The following LRCH3 variants were observed in gnomAD, a reference collection of about 807,000 sequenced individuals.
LRCH3 encodes the protein DISP complex protein LRCH3.
LRCH3 carries 68 observed loss-of-function variants against 104.5 expected under a neutral mutation model. That is an observed-to-expected ratio of 0.65 (90% CI 0.54 to 0.80). The LOEUF (loss-of-function observed/expected upper bound fraction) is 0.80. Ranked by LOEUF, LRCH3 falls within the 30% of genes least tolerant of loss-of-function variation. The pLI is 0.00. For missense variants in LRCH3, 951 were observed against 953.9 expected (o/e 1.00, Z 0.04); for synonymous variants, 344 against 361.3 (o/e 0.95, Z 0.54).
intron 20 of LRCH3, chr3:197,882,439 T>C: frequency 3.1e-6 from 3 of 957,478 alleles, no homozygotes; most frequent in Non-Finnish European, 3.7e-6. Flanking sequence ...TACCAATAAC[T>C]GCCTCAAAAA....
At chr3:197,803,046 A>G (rs1230536936) in intron 1 of LRCH3, among the ~76,000 whole-genome samples, 2 of 152,224 alleles carry the variant, frequency 1.3e-5, no homozygotes, top group East Asian at 3.8e-4. Flanking sequence ...TACATGTGCT[A>G]AGAGTTGTTT....
Position 197,835,655 on chromosome 3 carries a change from G to A in LRCH3, c.1103-19G>A, listed in dbSNP as rs1410671192. 6.2e-7 allele frequency: 1 copy of A among 1,603,768 alleles called. No homozygotes were observed. Among genetic ancestry groups the A allele is most frequent in the Admixed American group, 1.7e-5 (1 of 58,422 alleles). ...TTCTGGTGTGTGTGTGTGTGTGGGT[G>A]TGTGTGTGGTGTATACAGTGGAACA... On this transcript the variant is annotated intron_variant, in intron 8 of 20. Transcript: ENST00000425562.
At chr3:197,858,256 C>T (rs1394345245) in intron 14 of LRCH3, among the ~76,000 whole-genome samples, 6 of 152,088 alleles carry the variant, frequency 3.9e-5, no homozygotes, top group African/African-American at 1.4e-4. Context: ...ATCTCTAATA[C>T]AGCTAACCAG....
At position 197,854,401 on chromosome 3, in the gene LRCH3, C is replaced by G; in HGVS notation, c.1600C>G (p.Pro534Ala). ...TTCTCCATCTCTCCAGTGCCCCTTCCCATCCAGAAGGTCTCAGCACACTGA... is the reference window on the plus strand; with the variant it reads ...TTCTCCATCTCTCCAGTGCCCCTTCGCATCCAGAAGGTCTCAGCACACTGA... ...LDGVDGECPF[P>A]SRRSQHTDDS... The change falls in exon 14 of 21, where the codon CCA becomes GCA. Residue 534 changes from proline (P) to alanine (A), a missense_variant. Coordinates refer to ENST00000425562, the MANE Select transcript of LRCH3 (RefSeq NM_001365715.1). The surrounding 1 kb of genome is among the most constrained non-coding windows in gnomAD (Gnocchi z 4.5). 3.7e-6 allele frequency: 6 copies of G among 1,614,050 alleles called. No individual in the cohort carries two copies. The highest frequency in any genetic ancestry group is 5.1e-6 in the Non-Finnish European group (6 of 1,179,940).
At chr3:197,798,260 CA>C (rs573713102) in intron 1 of LRCH3, among the ~76,000 whole-genome samples, 1 of 150,648 alleles carries the variant, frequency 6.6e-6, no homozygotes, top group East Asian at 1.9e-4. Context: ...GACCCTGTCT[CA>C]AAAAAAATAA....
chr3:197,847,776 T>C, intron 11 of LRCH3, 96 bp from the exon 12 acceptor site: 2 of 1,063,710 alleles, frequency 1.9e-6, no homozygotes, highest in Non-Finnish European at 2.5e-6. Context: ...AAGCAAAAGT[T>C]GCATGGGTCA....
intron 1 of LRCH3, among the ~76,000 whole-genome samples, chr3:197,800,044 C>G (rs899805659): frequency 5.1e-4 from 77 of 150,342 alleles, no homozygotes; most frequent in African/African-American, 1.9e-3. Context: ...AAAAAATTAG[C>G]CAGGCGTGCT....
At chr3:197,826,824 T>G in intron 4 of LRCH3, 54 bp from the exon 5 acceptor site, 2 of 1,601,402 alleles carry the variant, frequency 1.2e-6, no homozygotes, top group Non-Finnish European at 1.7e-6. Flanking sequence ...TTTGTAAAAA[T>G]TCTCTAGTTG....
chr3:197,872,034 G>A (rs1218372130), intron 19 of LRCH3, among the ~76,000 whole-genome samples: 1 of 152,104 alleles, frequency 6.6e-6, no homozygotes, highest in African/African-American at 2.4e-5. Flanking sequence ...AATTAAAGAG[G>A]GAATACCATG....
intron 1 of LRCH3, among the ~76,000 whole-genome samples, chr3:197,792,607 A>AG (rs56771526): frequency 1.9e-5 from 1 of 52,576 alleles, no homozygotes; most frequent in Non-Finnish European, 4.2e-5. Flanking sequence ...ATATATATAA[A>AG]ATATACATAT....
chr3:197,876,989 GTGAT>G (rs1712976838), intron 20 of LRCH3, among the ~76,000 whole-genome samples: 1 of 174 alleles, frequency 5.7e-3, no homozygotes, highest in Non-Finnish European at 0.01. Flanking sequence ...ACCCATGGCA[GTGAT>G]TCTCTTTACC....
chr3:197,843,999 A>T (rs1476158269), intron 10 of LRCH3, among the ~76,000 whole-genome samples: 1 of 152,178 alleles, frequency 6.6e-6, no homozygotes, highest in African/African-American at 2.4e-5. Flanking sequence ...GATAAAAGAG[A>T]TGGTAGGGTG....
chr3:197,802,208 C>T (rs1409219992), intron 1 of LRCH3, among the ~76,000 whole-genome samples: 1 of 152,168 alleles, frequency 6.6e-6, no homozygotes, highest in Non-Finnish European at 1.5e-5. Context: ...CAGCAAAATC[C>T]CCTCTTCCAC....
chr3:197,850,550 C>A, intron 12 of LRCH3: 1 of 1,589,312 alleles, frequency 6.3e-7, no homozygotes, highest in East Asian at 2.2e-5. Flanking sequence ...ATGGGTTAAT[C>A]CGACCATGAG....
At chr3:197,840,423 C>T (rs1213126578) in intron 10 of LRCH3, among the ~76,000 whole-genome samples, 1 of 152,040 alleles carries the variant, frequency 6.6e-6, no homozygotes, top group Non-Finnish European at 1.5e-5. Context: ...CACCATTGCC[C>T]TCCAGCCTGG....
chr3:197,831,230 AC>A (rs1735893728), intron 7 of LRCH3: 1 of 179,630 alleles, frequency 5.6e-6, no homozygotes, highest in African/African-American at 2.4e-5. Context: ...AGAGACAAGG[AC>A]CTTAGTAAAG....
chr3:197,858,662 G>A (rs1446041841), intron 14 of LRCH3, among the ~76,000 whole-genome samples, 172 bp from the exon 15 acceptor site: 2 of 152,082 alleles, frequency 1.3e-5, no homozygotes, highest in African/African-American at 4.8e-5. Flanking sequence ...CTGTGTCCAT[G>A]GGTTTTTGTC....
intron 1 of LRCH3, among the ~76,000 whole-genome samples, chr3:197,809,484 G>A (rs540990666): frequency 6.6e-6 from 1 of 152,018 alleles, no homozygotes; most frequent in South Asian, 2.1e-4. Flanking sequence ...TAGAAATGCT[G>A]AAGTATTCAG....
rs757458047 is a variant in LRCH3 at position 197,826,931 on chromosome 3, A to G, written c.694A>G (p.Thr232Ala). The G allele has an allele frequency of 1.2e-6, 2 of 1,614,040 alleles. No homozygotes were observed. Among genetic ancestry groups the G allele is most frequent in the South Asian group, 2.2e-5 (2 of 91,082 alleles). The change falls in exon 5 of 21, where the codon ACA becomes GCA. Residue 232 changes from threonine (T) to alanine (A), a missense_variant. Physicochemically the swap from Thr to Ala is moderately conservative, Grantham distance 58. Coordinates refer to ENST00000425562, the MANE Select transcript of LRCH3 (RefSeq NM_001365715.1). Reference protein sequence around the residue: ...RLDFSCNKITTIPVCYRNLRH... With the variant: ...RLDFSCNKITAIPVCYRNLRH... ...AGACTTCTCATGCAATAAAATTACC[A>G]CAATCCCTGTTTGTTATCGGAACCT...
Sources: allele counts gnomAD v4.1 joint callset (sites outside exome capture counted in the v4.1 genomes callset), GRCh38; gene constraint gnomAD v4.1.1; non-coding constraint Gnocchi (gnomAD v3.1); transcripts MANE v1.5; gene names NCBI Gene and HGNC (gene_info 2026-07-23, HGNC 2026-07-21).